Variants in CNTN3 observed in about 807,000 individuals in gnomAD.
The protein encoded by CNTN3 is contactin 3, also known as contactin-3.
A neutral mutation model predicts 119.1 loss-of-function variants in CNTN3; 60 were observed. The ratio of observed to expected loss-of-function variants is 0.50; its 90% CI spans 0.41 to 0.62. The LOEUF is 0.62. CNTN3 is among the 20% of genes least tolerant of loss of function. The pLI, the probability that CNTN3 is intolerant of heterozygous loss-of-function variation, is 0.00. For missense variants in CNTN3, 1,101 were observed against 1,242.4 expected (o/e 0.89, Z 1.71); for synonymous variants, 450 against 438.7 (o/e 1.03, Z -0.32).
At chr3:74,352,730 T>A (rs1269189470) in intron 11 of CNTN3, among the ~76,000 whole-genome samples, 1 of 152,122 alleles carries the variant, frequency 6.6e-6, no homozygotes, top group Admixed American at 6.5e-5. Context: ...CATCAATCAA[T>A]CTGGTTTTTA....
intron 1 of CNTN3, among the ~76,000 whole-genome samples, chr3:74,546,317 C>G (rs939549504): frequency 6.6e-6 from 1 of 152,094 alleles, no homozygotes; most frequent in Non-Finnish European, 1.5e-5. Flanking sequence ...TTTTAAGCAA[C>G]CAGTCTGTGA....
intron 5 of CNTN3, among the ~76,000 whole-genome samples, chr3:74,381,938 G>A (rs188173846): frequency 6.6e-6 from 1 of 152,298 alleles, no homozygotes; most frequent in Non-Finnish European, 1.5e-5. Flanking sequence ...GCTGGGAGTG[G>A]TGGCTCACTC....
At chr3:74,371,055 A>G (rs908343980) in intron 6 of CNTN3, 141 bp downstream of exon 6, 3 of 637,714 alleles carry the variant, frequency 4.7e-6, no homozygotes, top group African/African-American at 3.7e-5. Context: ...CATTTTTGTC[A>G]TTGTACTCAT....
intron 1 of CNTN3, among the ~76,000 whole-genome samples, chr3:74,566,901 A>T (rs577482263): frequency 1.2e-4 from 19 of 152,234 alleles, no homozygotes; most frequent in African/African-American, 4.3e-4. Flanking sequence ...AAGGTGATGG[A>T]ACAAATACCC....
intron 5 of CNTN3, among the ~76,000 whole-genome samples, chr3:74,381,043 T>G (rs1352313303): frequency 6.6e-6 from 1 of 151,484 alleles, no homozygotes; most frequent in East Asian, 1.9e-4. Context: ...CTTAGAAAGC[T>G]GGAGAAATTG....
At chr3:74,279,890 AG>A in intron 20 of CNTN3, among the ~76,000 whole-genome samples, 1 of 152,192 alleles carries the variant, frequency 6.6e-6, no homozygotes, top group South Asian at 2.1e-4. Context: ...GTTTGGGGTG[AG>A]GGGGATAAGT....
At chr3:74,614,026 A>C (rs546963580) in intron 1 of CNTN3, among the ~76,000 whole-genome samples, 2 of 152,238 alleles carry the variant, frequency 1.3e-5, no homozygotes, top group South Asian at 4.1e-4. Context: ...CACATTCTGC[A>C]TCATGCACCT....
intron 1 of CNTN3, among the ~76,000 whole-genome samples, chr3:74,574,699 T>C (rs1296205645): frequency 1.3e-5 from 2 of 152,190 alleles, no homozygotes; most frequent in African/African-American, 2.4e-5. Context: ...TGGAACCATG[T>C]TACCAAACTG....
At chr3:74,274,600 G>C (rs1701845440) in intron 20 of CNTN3, among the ~76,000 whole-genome samples, 1 of 152,140 alleles carries the variant, frequency 6.6e-6, no homozygotes, top group Admixed American at 6.5e-5. Flanking sequence ...CATAGGAAAA[G>C]GGGGAGAGTA....
intron 5 of CNTN3, among the ~76,000 whole-genome samples, chr3:74,411,261 G>A (rs1333929023): frequency 3.9e-5 from 6 of 152,104 alleles, no homozygotes; most frequent in South Asian, 2.1e-4. Flanking sequence ...GAAAATTAGC[G>A]TTTGTACACA....
At chr3:74,552,398 C>T (rs1704005131) in intron 1 of CNTN3, among the ~76,000 whole-genome samples, 1 of 152,206 alleles carries the variant, frequency 6.6e-6, no homozygotes, top group Non-Finnish European at 1.5e-5. Flanking sequence ...AATGGCTGTA[C>T]CGTTTTACAT....
In CNTN3 at chr3:74,299,968, T is replaced by C. The variant is rs1265427079; in HGVS notation, c.2096-30A>G. ...ACAGGTCAGAGAAACAGAGATGAAA[T>C]GGTACTTGCATTTAGTAATATTTAT... On this transcript the variant is annotated intron_variant, in intron 16 of 22. Transcript: ENST00000263665. 2.8e-6 allele frequency: 4 copies of C among 1,403,930 alleles called. No individual in the cohort carries two copies. The African/African-American group carries it at 4.3e-5, about 15-fold the overall frequency. The allele number at this position is 1,403,930 out of a possible 1,614,324, so 87.0% of individuals were successfully genotyped here. A position where few individuals can be genotyped will look rare whatever the true frequency, so the allele number is the denominator to read the frequency against.
At position 74,374,356 on chromosome 3, in the gene CNTN3, A is replaced by G. The variant is rs113534508; in HGVS notation, c.455-2957T>C. 5.4e-4 allele frequency among the ~76,000 whole-genome samples: 82 copies of G among 151,206 alleles called. 1 individual carries two copies. The highest frequency in any genetic ancestry group is 1.9e-3 in the African/African-American group (80 of 41,142). On this transcript the variant is annotated intron_variant, in intron 5 of 22. Coordinates refer to ENST00000263665, the MANE Select transcript of CNTN3 (RefSeq NM_020872.3). ...TGATCCTTTAGTCCCATCTTGGTGTATGTGTCTCAGGGAATCTCAACATGG... is the reference window on the plus strand; with the variant it reads ...TGATCCTTTAGTCCCATCTTGGTGTGTGTGTCTCAGGGAATCTCAACATGG...
At chr3:74,519,057 A>G (rs1323298130) in intron 2 of CNTN3, among the ~76,000 whole-genome samples, 1 of 151,872 alleles carries the variant, frequency 6.6e-6, no homozygotes, top group East Asian at 1.9e-4. Context: ...CTCAATTATA[A>G]TAGGCTTAAG....
At chr3:74,425,252 T>C (rs1701677883) in intron 4 of CNTN3, among the ~76,000 whole-genome samples, 1 of 152,170 alleles carries the variant, frequency 6.6e-6, no homozygotes, top group Non-Finnish European at 1.5e-5. Context: ...CTCCCCACTG[T>C]AGTCGTCCCC....
intron 1 of CNTN3, among the ~76,000 whole-genome samples, chr3:74,611,951 G>A (rs532529713): frequency 6.6e-6 from 1 of 152,200 alleles, no homozygotes; most frequent in African/African-American, 2.4e-5. Context: ...ATTAACATTA[G>A]TTTTACTGCT....
At chr3:74,528,171 T>C (rs1197213508) in intron 1 of CNTN3, among the ~76,000 whole-genome samples, 1 of 151,836 alleles carries the variant, frequency 6.6e-6, no homozygotes, top group Non-Finnish European at 1.5e-5. Context: ...ATAAAGGGTA[T>C]GTAGATTTTC....
intron 5 of CNTN3, among the ~76,000 whole-genome samples, chr3:74,416,519 T>C (rs912231815): frequency 6.6e-6 from 1 of 152,154 alleles, no homozygotes; most frequent in Non-Finnish European, 1.5e-5. Flanking sequence ...GCTTCCTTCA[T>C]ATGTGTATAT....
intron 1 of CNTN3, among the ~76,000 whole-genome samples, chr3:74,571,532 T>C (rs1177976601): frequency 6.6e-6 from 1 of 152,298 alleles, no homozygotes. Flanking sequence ...AATTCTTCCA[T>C]TGCCTGCTTT....
Sources: gnomAD v4.1 joint callset for allele counts (sites outside exome capture counted in the v4.1 genomes callset) on GRCh38, gnomAD v4.1.1 for gene constraint, MANE v1.5 for transcripts, NCBI Gene and HGNC (gene_info 2026-07-23, HGNC 2026-07-21) for gene names.